The following VPS8 variants were observed in gnomAD, a reference collection of about 807,000 sequenced individuals.
VPS8 encodes the protein VPS8 subunit of CORVET complex.
A neutral mutation model predicts 216.4 loss-of-function variants in VPS8; 129 were observed. That is an observed-to-expected ratio of 0.60 (90% confidence interval 0.52 to 0.69). The LOEUF (loss-of-function observed/expected upper bound fraction) is 0.69, where lower values mean the gene tolerates loss of function less well. Ranked by LOEUF, VPS8 falls within the 30% of genes least tolerant of loss-of-function variation. The pLI is 0.00. For synonymous variants in VPS8, 571 were observed against 565.4 expected (o/e 1.01, Z -0.14); for missense variants, 1,531 against 1,683.5 (o/e 0.91, Z 1.59).
At chr3:184,848,108 C>T (rs1723478627) in intron 8 of VPS8, among the ~76,000 whole-genome samples, 1 of 152,074 alleles carries the variant, frequency 6.6e-6, no homozygotes, top group African/African-American at 2.4e-5. Flanking sequence ...GATGGAGTTT[C>T]ACTGTGTTGG....
intron 15 of VPS8, among the ~76,000 whole-genome samples, chr3:184,861,848 G>C (rs1484122490): frequency 6.6e-6 from 1 of 152,114 alleles, no homozygotes; most frequent in African/African-American, 2.4e-5. Context: ...GATTAAGGTT[G>C]TATAAGGCTA....
chr3:184,966,605 C>T, intron 38 of VPS8, 66 bp from the exon 39 acceptor site: 1 of 1,111,244 alleles, frequency 9.0e-7, no homozygotes, highest in Non-Finnish European at 1.3e-6. Flanking sequence ...TATGTTAATT[C>T]AAGTATTGGG....
intron 46 of VPS8, among the ~76,000 whole-genome samples, chr3:185,025,951 T>A (rs1757283166): frequency 6.6e-6 from 1 of 152,220 alleles, no homozygotes; most frequent in Admixed American, 6.5e-5. Flanking sequence ...GAAGATTAAA[T>A]GAAATAGTCT....
At chr3:185,031,118 G>A (rs1194220769) in intron 46 of VPS8, among the ~76,000 whole-genome samples, 3 of 93,850 alleles carry the variant, frequency 3.2e-5, no homozygotes, top group Non-Finnish European at 5.9e-5. Context: ...CAAAGCCACT[G>A]TTTCCATAAC....
At chr3:184,860,211 C>G (rs1054604303) in intron 15 of VPS8, 146 bp downstream of exon 15, 35 of 700,612 alleles carry the variant, frequency 5.0e-5, no homozygotes, top group Non-Finnish European at 6.6e-5. Flanking sequence ...GAGGCTCGTG[C>G]CTGTAGTCCC....
At chr3:184,853,823 A>G (rs1450457631) in intron 11 of VPS8, 34 bp from the exon 12 acceptor site, 2 of 1,551,236 alleles carry the variant, frequency 1.3e-6, no homozygotes, top group Non-Finnish European at 1.7e-6. Context: ...GATCATTGCT[A>G]AATTGATTCT....
chr3:184,869,081 G>A (rs1727882154), intron 19 of VPS8, 45 bp downstream of exon 19: 3 of 1,547,858 alleles, frequency 1.9e-6, no homozygotes, highest in African/African-American at 1.4e-5. Context: ...TTCTCCTGGA[G>A]TAGAGGGAAT....
At chr3:185,042,066 G>T (rs1051689449) in intron 46 of VPS8, among the ~76,000 whole-genome samples, 2 of 152,144 alleles carry the variant, frequency 1.3e-5, no homozygotes, top group Non-Finnish European at 1.5e-5. Context: ...TCCTAGGTGT[G>T]TTCTAGTTAG....
At chr3:185,009,643 T>C (rs113455533) in intron 45 of VPS8, among the ~76,000 whole-genome samples, 304 of 152,200 alleles carry the variant, frequency 2.0e-3, no homozygotes, top group Middle Eastern at 0.01. Flanking sequence ...ATATATAAAA[T>C]AATGGTTCAT....
chr3:184,864,148 GA>G (rs1348030813), intron 16 of VPS8, among the ~76,000 whole-genome samples: 2 of 151,748 alleles, frequency 1.3e-5, no homozygotes, highest in Non-Finnish European at 2.9e-5. Flanking sequence ...AAGGGAGGGG[GA>G]GGGGAAGGGG....
At chr3:184,832,476 G>A (rs900971232) in intron 3 of VPS8, among the ~76,000 whole-genome samples, 9 of 152,158 alleles carry the variant, frequency 5.9e-5, no homozygotes, top group African/African-American at 2.2e-4. Flanking sequence ...CACGAAAGAA[G>A]TTTTGGGGTG....
At chr3:184,921,876 T>G (rs116087915) in intron 29 of VPS8, among the ~76,000 whole-genome samples, 1 of 152,130 alleles carries the variant, frequency 6.6e-6, no homozygotes, top group Non-Finnish European at 1.5e-5. Flanking sequence ...TGAGAAGTTC[T>G]GTTTCTAAGT....
chr3:184,931,427 G>A (rs778406327), intron 34 of VPS8, among the ~76,000 whole-genome samples: 9 of 152,108 alleles, frequency 5.9e-5, no homozygotes, highest in Non-Finnish European at 1.2e-4. Flanking sequence ...GCAAGAGTCA[G>A]GTGGTGGATT....
chr3:184,826,519 G>A (rs1029767191), intron 3 of VPS8, among the ~76,000 whole-genome samples: 15 of 152,216 alleles, frequency 9.9e-5, no homozygotes, highest in Non-Finnish European at 1.9e-4. Context: ...AGTTCTCTTG[G>A]ACAGCAGTAG....
intron 36 of VPS8, among the ~76,000 whole-genome samples, chr3:184,948,655 A>G (rs1744119044): frequency 1.3e-5 from 2 of 152,164 alleles, no homozygotes; most frequent in Non-Finnish European, 2.9e-5. Flanking sequence ...GAGTCCCCAG[A>G]ATATTCTGAG....
At chr3:184,926,684 TAGGAAAG>T (rs757189895) in intron 31 of VPS8, 34 bp downstream of exon 31, 1 of 1,567,478 alleles carries the variant, frequency 6.4e-7, no homozygotes, top group Non-Finnish European at 8.7e-7. Flanking sequence ...TGCTAAAAAA[TAGGAAAG>T]AAGAGTAAGC....
intron 46 of VPS8, among the ~76,000 whole-genome samples, chr3:185,034,614 TG>T (rs546214663): frequency 3.1e-4 from 36 of 114,530 alleles, no homozygotes; most frequent in African/African-American, 1.3e-3. Flanking sequence ...ATAGTTTTGT[TG>T]TTGTTGTTGT....
At chr3:184,971,321 A>G (rs1748366839) in intron 39 of VPS8, among the ~76,000 whole-genome samples, 1 of 152,248 alleles carries the variant, frequency 6.6e-6, no homozygotes, top group Non-Finnish European at 1.5e-5. Context: ...AAGAAGAGAT[A>G]GTATACCAAG....
intron 8 of VPS8, among the ~76,000 whole-genome samples, chr3:184,845,903 A>G (rs73888189): frequency 0.024 from 3,713 of 152,162 alleles, 140 homozygotes; most frequent in African/African-American, 0.085. Context: ...TATGAATGTA[A>G]TCTATAAATT....
Sources: gnomAD v4.1 joint callset for allele counts (sites outside exome capture counted in the v4.1 genomes callset) on GRCh38, gnomAD v4.1.1 for gene constraint, MANE v1.5 for transcripts, NCBI Gene and HGNC (gene_info 2026-07-23, HGNC 2026-07-21) for gene names.